The following DMD variants were observed in gnomAD, a reference collection of about 807,000 sequenced individuals.
DMD encodes mutant dystrophin.
A neutral mutation model predicts 330.1 loss-of-function variants in DMD; 63 were observed. That is an observed-to-expected ratio of 0.19 (90% CI 0.16 to 0.24). The LOEUF is 0.24. Ranked by LOEUF, DMD falls within the 10% of genes least tolerant of loss-of-function variation. The pLI is 1.00. For missense variants in DMD, 3,344 were observed against 2,684.1 expected (o/e 1.25, Z -5.43); for synonymous variants, 1,223 against 959.8 (o/e 1.27, Z -5.07).
chrX:32,168,070 C>T (rs930633963), intron 44 of DMD, among the ~76,000 whole-genome samples: 4 of 112,367 alleles, frequency 3.6e-5, no homozygotes, highest in Non-Finnish European at 5.6e-5. Context: ...CAACTGCAGC[C>T]TGGGGCCTGC....
intron 7 of DMD, among the ~76,000 whole-genome samples, chrX:32,755,849 T>C (rs942250322): frequency 2.7e-5 from 3 of 111,827 alleles, no homozygotes; most frequent in Non-Finnish European, 5.6e-5. Flanking sequence ...AAGCAGGGTA[T>C]GGGTTTCGCT....
intron 2 of DMD, among the ~76,000 whole-genome samples, chrX:32,990,543 T>C (rs2092947209): frequency 8.9e-6 from 1 of 112,068 alleles, no homozygotes; most frequent in East Asian, 2.8e-4. Context: ...AGAGAAGTTA[T>C]TGAGTTGCTT....
At chrX:31,648,715 G>A (rs2080262592) in intron 54 of DMD, among the ~76,000 whole-genome samples, 1 of 102,506 alleles carries the variant, frequency 9.8e-6, no homozygotes, top group Admixed American at 1.1e-4. Flanking sequence ...CCTTTTTAGG[G>A]GGAAATTGGA....
At chrX:32,616,839 C>A (rs183539941) in intron 11 of DMD, among the ~76,000 whole-genome samples, 3 of 106,854 alleles carry the variant, frequency 2.8e-5, no homozygotes, top group African/African-American at 1.0e-4. Context: ...GTGTACTCAC[C>A]CATAAATACT....
chrX:32,726,508 A>G (rs2066898482), intron 7 of DMD, among the ~76,000 whole-genome samples: 1 of 110,985 alleles, frequency 9.0e-6, no homozygotes, highest in Admixed American at 9.6e-5. Flanking sequence ...CTATTATAAT[A>G]AAATATTTTA....
At chrX:32,975,919 G>A (rs2092536628) in intron 2 of DMD, among the ~76,000 whole-genome samples, 1 of 111,412 alleles carries the variant, frequency 9.0e-6, no homozygotes, top group Non-Finnish European at 1.9e-5. Context: ...CTGCTACTTC[G>A]ATGCAAAAAT....
Position 32,554,905 on chromosome X carries a change from G to GA in DMD, c.1993-9572dup, listed in dbSNP as rs1215477502. On this transcript the variant is annotated intron_variant, in intron 16 of 78. Transcript: ENST00000357033. Reference sequence around the variant, plus strand: ...AGAAAGAAAGAAAGAAAGAAAGAAAGAAAGAAAGAAAGAAAGAAAGAAAGA... The same window carrying GA: ...AGAAAGAAAGAAAGAAAGAAAGAAAGAAAAGAAAGAAAGAAAGAAAGAAAGA... Among the ~76,000 whole-genome samples, 9 of 29,379 alleles carry GA rather than the reference G, an allele frequency of 3.1e-4. 2 individuals are homozygous for GA. The Admixed American group carries it at 4.6e-3, about 15-fold the overall frequency. 25.5% of individuals were successfully genotyped at this position (29,379 alleles called of 115,157 possible).
intron 74 of DMD, among the ~76,000 whole-genome samples, chrX:31,163,432 TTC>T (rs2148117645): frequency 8.9e-6 from 1 of 111,822 alleles, no homozygotes; most frequent in African/African-American, 3.3e-5. Context: ...AAACCTCTTT[TTC>T]TTTGTAAATT....
At chrX:32,543,168 T>C (rs984453938) in intron 17 of DMD, among the ~76,000 whole-genome samples, 3 of 111,827 alleles carry the variant, frequency 2.7e-5, no homozygotes, top group African/African-American at 9.8e-5. Context: ...CCTCAATTTA[T>C]GTTAGCTTTT....
At chrX:31,185,312 G>T (rs984861801) in intron 67 of DMD, among the ~76,000 whole-genome samples, 1 of 110,246 alleles carries the variant, frequency 9.1e-6, no homozygotes, top group East Asian at 2.9e-4. Context: ...TCTACTTTCA[G>T]AACTCTGTTA....
intron 62 of DMD, among the ~76,000 whole-genome samples, chrX:31,313,922 C>T (rs1015330455): frequency 9.2e-6 from 1 of 109,024 alleles, no homozygotes; most frequent in Admixed American, 9.8e-5. Flanking sequence ...CAACCTCCGC[C>T]TCCCTGGTTC....
chrX:32,854,007 T>C (rs1167343768), intron 2 of DMD, among the ~76,000 whole-genome samples: 1 of 111,505 alleles, frequency 9.0e-6, no homozygotes, highest in Non-Finnish European at 1.9e-5. Flanking sequence ...AAGGAATCAT[T>C]TCAGCAATAA....
chrX:32,280,995 G>A (rs763737466), intron 43 of DMD, among the ~76,000 whole-genome samples: 1 of 111,937 alleles, frequency 8.9e-6, no homozygotes, highest in Non-Finnish European at 1.9e-5. Context: ...TGATTTATTT[G>A]GTTTCTACTC....
At chrX:32,337,442 A>G (rs954766738) in intron 41 of DMD, among the ~76,000 whole-genome samples, 14 of 109,343 alleles carry the variant, frequency 1.3e-4, no homozygotes, top group Non-Finnish European at 2.5e-4. Flanking sequence ...TTGATGTCAT[A>G]ACATGCTCAG....
At chrX:33,286,918 T>C (rs1271249657) in intron 1 of DMD, among the ~76,000 whole-genome samples, 1 of 112,310 alleles carries the variant, frequency 8.9e-6, no homozygotes, top group East Asian at 2.8e-4. Context: ...TGCTGTTTCT[T>C]TCCCATTCTA....
intron 1 of DMD, among the ~76,000 whole-genome samples, chrX:33,120,466 T>G (rs1162927215): frequency 8.9e-6 from 1 of 111,835 alleles, no homozygotes; most frequent in African/African-American, 3.3e-5. Flanking sequence ...TACTCCTGTT[T>G]ATAGCAAAGC....
At chrX:32,213,029 T>G (rs1245047173) in intron 44 of DMD, among the ~76,000 whole-genome samples, 1 of 112,154 alleles carries the variant, frequency 8.9e-6, no homozygotes, top group Non-Finnish European at 1.9e-5. Context: ...AAAAATATGA[T>G]GCAATTTGAT....
At chrX:31,867,351 G>A (rs1049010018) in intron 48 of DMD, among the ~76,000 whole-genome samples, 2 of 109,918 alleles carry the variant, frequency 1.8e-5, no homozygotes, top group Non-Finnish European at 3.8e-5. Flanking sequence ...AACTTTTACC[G>A]TCATGTGGCC....
At chrX:31,384,843 C>T (rs192237790) in intron 60 of DMD, among the ~76,000 whole-genome samples, 1 of 112,172 alleles carries the variant, frequency 8.9e-6, no homozygotes, top group African/African-American at 3.2e-5. Flanking sequence ...TATGGGCCCA[C>T]TTTTGTGATC....
Sources: gnomAD v4.1 joint callset for allele counts (sites outside exome capture counted in the v4.1 genomes callset) on GRCh38, gnomAD v4.1.1 for gene constraint, MANE v1.5 for transcripts, NCBI Gene and HGNC (gene_info 2026-07-23, HGNC 2026-07-21) for gene names.